The following SUPT5H variants were observed in gnomAD, a reference collection of about 807,000 sequenced individuals.
SUPT5H encodes SPT5 homolog, DSIF elongation factor subunit.
SUPT5H carries 24 observed loss-of-function variants against 142.5 expected under a neutral mutation model. The ratio of observed to expected loss-of-function variants is 0.17; its 90% confidence interval spans 0.12 to 0.24. The LOEUF (loss-of-function observed/expected upper bound fraction) is 0.24. SUPT5H is among the 10% of genes least tolerant of loss of function. SUPT5H has a pLI of 1.00. For synonymous variants in SUPT5H, 546 were observed against 553.0 expected, an observed-to-expected ratio of 0.99 and a Z score of 0.18; for missense variants, 893 against 1,471.8, an observed-to-expected ratio of 0.61 and a Z score of 6.43.
In SUPT5H at chr19:39,466,853, G is replaced by C; in HGVS notation, c.1037+108G>C. The C allele has an allele frequency of 9.4e-7, 1 of 1,061,950 alleles. No individual in the cohort carries two copies. Among genetic ancestry groups the C allele is most frequent in the Non-Finnish European group, 1.5e-6 (1 of 688,456 alleles). 65.8% of individuals were successfully genotyped at this position (1,061,950 alleles called of 1,614,324 possible). A position where few individuals can be genotyped will look rare whatever the true frequency, so the allele number is the denominator to read the frequency against. ...TGGCCCCGCCACAGGTTTAGCCTGT[G>C]AATTGGTTAGCTTGGCAGTATAGCC... On this transcript the variant is annotated intron_variant, in intron 13 of 29. Coordinates refer to ENST00000432763, the MANE Select transcript of SUPT5H (RefSeq NM_001111020.3). The surrounding 1 kb of genome is among the most constrained non-coding windows in gnomAD (Gnocchi z 4.3).
intron 11 of SUPT5H, 125 bp downstream of exon 11, chr19:39,465,174 G>T: frequency 7.2e-7 from 1 of 1,397,110 alleles, no homozygotes. Context: ...AGTTGAAGCA[G>T]AGCCTGGGTT....
In SUPT5H at chr19:39,464,985, C is replaced by T. The variant is rs772200210; in HGVS notation, c.812C>T (p.Ala271Val). The change falls in exon 11 of 30, where the codon GCC becomes GTC. Residue 271 changes from alanine to valine, a missense_variant. Around this residue, in one of 6 missense-constraint regions of SUPT5H, gnomAD observed 428 missense variants for 763.5 expected, o/e 0.56. Transcript: ENST00000432763. ...TDVLKVVKEV[A>V]NLKPKSWVRL... ...GTGCTCAAAGTGGTGAAGGAGGTGG[C>T]CAACCTGAAACCAAAGTCCTGGGTC... The T allele has an allele frequency of 6.2e-7, 1 of 1,614,226 alleles. No homozygotes were observed. Among genetic ancestry groups the T allele is most frequent in the Non-Finnish European group, 8.5e-7 (1 of 1,180,026 alleles).
Position 39,458,171 on chromosome 19 carries a change from T to A in SUPT5H, c.308-123T>A. The A allele has an allele frequency of 3.4e-5, 48 of 1,422,590 alleles. No individual in the cohort carries two copies. The highest frequency in any genetic ancestry group is 4.1e-5 in the South Asian group (3 of 73,736). The allele number at this position is 1,422,590 out of a possible 1,614,324, so 88.1% of individuals were successfully genotyped here. On this transcript the variant is annotated intron_variant, in intron 4 of 29. Coordinates refer to ENST00000432763, the MANE Select transcript of SUPT5H (RefSeq NM_001111020.3). This position sits in a 1 kb window ranked among gnomAD's most constrained non-coding sequence, Gnocchi z 4.2. ...ACCTTTCTGTGTCCCTCCCTTCCCCTCCCCCAACCCATTGGTTGATTTTGC... is the reference window on the plus strand; with the variant it reads ...ACCTTTCTGTGTCCCTCCCTTCCCCACCCCCAACCCATTGGTTGATTTTGC...
intron 11 of SUPT5H, among the ~76,000 whole-genome samples, chr19:39,465,759 G>A (rs919320615): frequency 1.1e-4 from 17 of 152,216 alleles, no homozygotes; most frequent in Non-Finnish European, 1.9e-4. Flanking sequence ...GGGCAAGAGC[G>A]TGGAGACCAG....
In SUPT5H at chr19:39,469,788, G is replaced by T; in HGVS notation, c.1375-331G>T. ...TGTGCAGGCCCAGTGTGATGTGTGGGGTGAGGCTGTCTCCGGGTGGGGCTG... is the reference window on the plus strand; with the variant it reads ...TGTGCAGGCCCAGTGTGATGTGTGGTGTGAGGCTGTCTCCGGGTGGGGCTG... On this transcript the variant is annotated intron_variant, in intron 16 of 29. Transcript: ENST00000432763. The surrounding 1 kb of genome is among the most constrained non-coding windows in gnomAD (Gnocchi z 5.1). The T allele has an allele frequency of 2.1e-6, 1 of 474,582 alleles. No homozygotes were observed. The highest frequency in any genetic ancestry group is 2.3e-5 in the South Asian group (1 of 43,972). The allele number at this position is 474,582 out of a possible 1,614,324, so 29.4% of individuals were successfully genotyped here.
At chr19:39,464,134 C>T (rs1283276416) in intron 10 of SUPT5H, among the ~76,000 whole-genome samples, 3 of 151,934 alleles carry the variant, frequency 2.0e-5, no homozygotes, top group African/African-American at 4.8e-5. Flanking sequence ...CAGGCATGTG[C>T]CACCACACCC....
intron 10 of SUPT5H, among the ~76,000 whole-genome samples, chr19:39,464,133 G>T (rs2079203219): frequency 6.6e-6 from 1 of 151,858 alleles, no homozygotes; most frequent in South Asian, 2.1e-4. Context: ...ACAGGCATGT[G>T]CCACCACACC....
Position 39,474,787 on chromosome 19 carries a change from C to T in SUPT5H, c.3024+69C>T. On this transcript the variant is annotated intron_variant, in intron 28 of 29. Transcript: ENST00000432763. The surrounding 1 kb of genome is among the most constrained non-coding windows in gnomAD (Gnocchi z 6.5). ...TGGTACCCCCTAAACTGGAGACAGA[C>T]CTGTCCCCAGATGGTGACAGCCCAG... 2 of 1,490,696 alleles carry T rather than the reference C, an allele frequency of 1.3e-6. No homozygotes were observed. The highest frequency in any genetic ancestry group is 1.8e-6 in the Non-Finnish European group (2 of 1,096,754). 92.3% of individuals were successfully genotyped at this position (1,490,696 alleles called of 1,614,324 possible).
rs771632495 is a variant in SUPT5H at position 39,453,383 on chromosome 19, G to C, written c.103G>C (p.Gly35Arg). 3.1e-6 allele frequency: 5 copies of C among 1,604,310 alleles called. No individual in the cohort carries two copies. Among genetic ancestry groups the C allele is most frequent in the Middle Eastern group, 3.3e-4 (2 of 6,046 alleles). The part of the protein sequence containing the change: ...EVDEERRSAA[G>R]SEKEEEPEDE... ...AGACGAAGAGCGGCGGAGTGCAGCG[G>C]GCAGTGAGAAAGAAGAAGAGCCTGA... is the stretch of plus-strand genomic sequence containing the variant. The change falls in exon 3 of 30, where the codon GGC (glycine) becomes CGC (arginine). Residue 35 changes from glycine (G) to arginine (R), a missense_variant. Gly to Arg is a moderately radical substitution (Grantham distance 125, BLOSUM62 -2). Around this residue, in one of 6 missense-constraint regions of SUPT5H, gnomAD observed 70 missense variants for 70.5 expected, o/e 0.99. Transcript: ENST00000432763.
At chr19:39,462,062 C>T (rs2079170488) in intron 10 of SUPT5H, among the ~76,000 whole-genome samples, 1 of 151,938 alleles carries the variant, frequency 6.6e-6, no homozygotes, top group African/African-American at 2.4e-5. Flanking sequence ...CATCCGCCAC[C>T]ATGCCCGGCT....
At chr19:39,471,572 G>T in intron 19 of SUPT5H, 33 bp from the exon 20 acceptor site, 1 of 1,614,064 alleles carries the variant, frequency 6.2e-7, no homozygotes, top group Non-Finnish European at 8.5e-7. Flanking sequence ...AGGGGGACAT[G>T]GTCAAGAGAG....
chr19:39,456,789 G>C (rs1450557270), intron 3 of SUPT5H, among the ~76,000 whole-genome samples: 1 of 152,052 alleles, frequency 6.6e-6, no homozygotes, highest in East Asian at 1.9e-4. Context: ...AAACTCCTGG[G>C]CTCAAGTGAT....
chr19:39,459,851 C>G (rs748780502), intron 9 of SUPT5H, 41 bp from the exon 10 acceptor site: 14 of 1,607,040 alleles, frequency 8.7e-6, no homozygotes, highest in Non-Finnish European at 1.2e-5. Flanking sequence ...GTCCTTTCCT[C>G]CATCCTGTCA....
Position 39,445,855 on chromosome 19 carries a change from C to T in SUPT5H, c.-36C>T. On this transcript the variant is annotated 5_prime_UTR_variant, in exon 2 of 30. Coordinates refer to ENST00000432763, the MANE Select transcript of SUPT5H (RefSeq NM_001111020.3). The stretch of plus-strand genomic sequence containing the variant: ...GGGTGGAGCGCAGGATTGTGGGACG[C>T]GCCAAGGCTGCTGTCTTTCCCAGCA... 3 of 1,608,688 alleles carry T rather than the reference C, an allele frequency of 1.9e-6. No homozygotes were observed. The highest frequency in any genetic ancestry group is 2.5e-6 in the Non-Finnish European group (3 of 1,178,024).
At position 39,466,962 on chromosome 19, in the gene SUPT5H, T is replaced by G. The variant is rs2146113300; in HGVS notation, c.1037+217T>G. The G allele has an allele frequency of 1.7e-6, 1 of 576,114 alleles. No individual in the cohort carries two copies. The highest frequency in any genetic ancestry group is 3.1e-6 in the Non-Finnish European group (1 of 324,100). 35.7% of individuals were successfully genotyped at this position (576,114 alleles called of 1,614,324 possible). On this transcript the variant is annotated intron_variant, in intron 13 of 29. Coordinates refer to ENST00000432763, the MANE Select transcript of SUPT5H (RefSeq NM_001111020.3). The surrounding 1 kb of genome is among the most constrained non-coding windows in gnomAD (Gnocchi z 4.3). ...GGCTGGGCGCAGCGGGAGGGAGCAC[T>G]TTGGAAGGCTAAGGCAGGAGGCTTG...
At chr19:39,471,765 T>C (rs767361902) in intron 20 of SUPT5H, 35 bp downstream of exon 20, 2 of 1,597,256 alleles carry the variant, frequency 1.3e-6, no homozygotes, top group African/African-American at 2.7e-5. Context: ...GTGCGTTGGG[T>C]ACCTGGCTCA....
rs1308591118 is a variant in SUPT5H at position 39,472,828 on chromosome 19, G to A, written c.2054G>A (p.Gly685Asp). The A allele has an allele frequency of 3.1e-6, 5 of 1,613,382 alleles. No homozygotes were observed. The highest frequency in any genetic ancestry group is 1.1e-5 in the South Asian group (1 of 91,016). The change falls in exon 22 of 30, where the codon GGT (glycine) becomes GAT (aspartate). Residue 685 changes from glycine (G) to aspartate (D), a missense_variant. By Grantham distance (94) the Gly-to-Asp change is moderately conservative. Coordinates refer to ENST00000432763, the MANE Select transcript of SUPT5H (RefSeq NM_001111020.3). This position sits in a 1 kb window ranked among gnomAD's most constrained non-coding sequence, Gnocchi z 4.2. Reference sequence around the variant, plus strand: ...TCCCCAGGTCAGCGTGGCGGCTTTGGTAGCCCAGGTGGCGGCAGTGGTGGC... The same window carrying A: ...TCCCCAGGTCAGCGTGGCGGCTTTGATAGCCCAGGTGGCGGCAGTGGTGGC... ...PSAGGQRGGF[G>D]SPGGGSGGMS...
chr19:39,471,807 A>G (rs368130858), intron 20 of SUPT5H, 77 bp downstream of exon 20: 2 of 1,535,160 alleles, frequency 1.3e-6, no homozygotes, highest in Admixed American at 4.1e-5. Context: ...CCCAGAAGTG[A>G]TAAGATTGGG....
chr19:39,454,165 A>G (rs969701457), intron 3 of SUPT5H, among the ~76,000 whole-genome samples: 1 of 152,210 alleles, frequency 6.6e-6, no homozygotes, highest in Non-Finnish European at 1.5e-5. Flanking sequence ...GACACAGCTA[A>G]CATTGTGTGG....
Sources: gnomAD v4.1 joint callset for allele counts (sites outside exome capture counted in the v4.1 genomes callset) on GRCh38, gnomAD v4.1.1 for gene constraint, gnomAD v4.1.1 regional missense constraint, Gnocchi (gnomAD v3.1) non-coding constraint, MANE v1.5 for transcripts, NCBI Gene and HGNC (gene_info 2026-07-23, HGNC 2026-07-21) for gene names.